Variants in COL21A1 observed in about 807,000 individuals in gnomAD.
COL21A1 encodes collagen type XXI alpha 1 chain.
Under a neutral mutation model 137.9 loss-of-function variants are expected in COL21A1, and 149 were observed. That is an observed-to-expected ratio of 1.08 (90% CI 0.95 to 1.24). COL21A1 has a LOEUF of 1.24. Ranked by LOEUF, COL21A1 falls within the 50% of genes most tolerant of loss-of-function variation. The pLI is 0.00. For synonymous variants in COL21A1, 456 were observed against 391.5 expected (o/e 1.16, Z -1.95); for missense variants, 1,167 against 1,158.4 (o/e 1.01, Z -0.11).
In COL21A1 at chr6:56,316,963, G is replaced by A. The variant is rs924929721; in HGVS notation, c.-39+77008C>T. On this transcript the variant is annotated intron_variant, in intron 1 of 28. Coordinates refer to the COL21A1 transcript ENST00000370819. ...TCAGAAGTGTCATTTAGTATACAAAGACTGCAGCCCCAAGGAGTTTCTCAC... is the reference window on the plus strand; with the variant it reads ...TCAGAAGTGTCATTTAGTATACAAAAACTGCAGCCCCAAGGAGTTTCTCAC... 4.6e-5 allele frequency among the ~76,000 whole-genome samples: 7 copies of A among 152,194 alleles called. No homozygotes were observed. The South Asian group carries it at 1.5e-3, about 32-fold the overall frequency.
intron 1 of COL21A1, among the ~76,000 whole-genome samples, chr6:56,341,425 G>A (rs1272013719): frequency 6.6e-6 from 1 of 152,170 alleles, no homozygotes; most frequent in African/African-American, 2.4e-5. Flanking sequence ...GAACTGCCAA[G>A]CCATGAAAAG....
chr6:56,227,597 A>C (rs1781289559), intron 1 of COL21A1, among the ~76,000 whole-genome samples: 1 of 152,042 alleles, frequency 6.6e-6, no homozygotes, highest in Admixed American at 6.6e-5. Context: ...TAAAAGAAAG[A>C]ATCATCAAGA....
intron 16 of COL21A1, among the ~76,000 whole-genome samples, chr6:56,111,046 A>G (rs1771383380): frequency 6.6e-6 from 1 of 152,104 alleles, no homozygotes; most frequent in African/African-American, 2.4e-5. Flanking sequence ...TGTAAATACT[A>G]TAAAACAGGT....
intron 1 of COL21A1, among the ~76,000 whole-genome samples, chr6:56,293,133 C>T (rs987535949): frequency 6.6e-6 from 1 of 151,970 alleles, no homozygotes; most frequent in African/African-American, 2.4e-5. Flanking sequence ...CAGAAGTTTC[C>T]GTATATTTGT....
intron 1 of COL21A1, among the ~76,000 whole-genome samples, chr6:56,290,542 C>G (rs12195053): frequency 0.11 from 15,021 of 137,182 alleles, 987 homozygotes; most frequent in Middle Eastern, 0.24. Context: ...CTCTGTTGCC[C>G]AGGTTAGAGT....
chr6:56,109,543 A>G (rs995410078), intron 16 of COL21A1, among the ~76,000 whole-genome samples: 1 of 151,928 alleles, frequency 6.6e-6, no homozygotes, highest in Non-Finnish European at 1.5e-5. Context: ...CATGGAAAAA[A>G]ATAAGAGAAA....
At chr6:56,252,935 T>G (rs1355903502) in intron 1 of COL21A1, among the ~76,000 whole-genome samples, 1 of 152,200 alleles carries the variant, frequency 6.6e-6, no homozygotes, top group Non-Finnish European at 1.5e-5. Context: ...ACAATATCCT[T>G]GGATTATAAA....
In COL21A1 at chr6:56,073,246, T is replaced by C. The variant is rs55738538; in HGVS notation, c.1965+986A>G. The stretch of plus-strand genomic sequence containing the variant: ...ACCTTGAGAAACTGTGGAGACCTGC[T>C]TAGCAAGTTCAGTCATTCCAGCAAG... On this transcript the variant is annotated intron_variant, in intron 20 of 29. Coordinates refer to ENST00000244728, the MANE Select transcript of COL21A1 (RefSeq NM_030820.4). 9.0e-3 allele frequency among the ~76,000 whole-genome samples: 1,362 copies of C among 151,588 alleles called. 16 individuals are homozygous for C. The highest frequency in any genetic ancestry group is 0.031 in the African/African-American group (1,299 of 41,432).
intron 1 of COL21A1, among the ~76,000 whole-genome samples, chr6:56,315,747 G>A (rs1764716555): frequency 6.6e-6 from 1 of 150,796 alleles, no homozygotes; most frequent in Admixed American, 6.6e-5. Flanking sequence ...GCAATTGCCT[G>A]AGTTAGGTCA....
chr6:56,106,596 T>C (rs1352929125), intron 16 of COL21A1, among the ~76,000 whole-genome samples: 2 of 152,142 alleles, frequency 1.3e-5, no homozygotes, highest in East Asian at 1.9e-4. Flanking sequence ...TATCCAAACA[T>C]GTACAACCCT....
intron 17 of COL21A1, among the ~76,000 whole-genome samples, chr6:56,081,308 C>T (rs1352499863): frequency 2.0e-5 from 3 of 150,510 alleles, no homozygotes; most frequent in Non-Finnish European, 4.4e-5. Flanking sequence ...CCAAAAATGT[C>T]CATTATATGT....
At chr6:56,092,840 AG>A (rs1768966703) in intron 17 of COL21A1, among the ~76,000 whole-genome samples, 1 of 152,214 alleles carries the variant, frequency 6.6e-6, no homozygotes, top group South Asian at 2.1e-4. Flanking sequence ...ATTCCCTCAC[AG>A]TTCTGGAATG....
chr6:56,200,915 C>A (rs1276973431), intron 1 of COL21A1, among the ~76,000 whole-genome samples: 1 of 152,108 alleles, frequency 6.6e-6, no homozygotes, highest in Non-Finnish European at 1.5e-5. Flanking sequence ...TTTACAGTCC[C>A]ACCAACAGTG....
At chr6:56,313,004 G>A (rs377312755) in intron 1 of COL21A1, among the ~76,000 whole-genome samples, 21 of 152,232 alleles carry the variant, frequency 1.4e-4, no homozygotes, top group African/African-American at 4.3e-4. Context: ...AAGACTGGCC[G>A]CATAGCACAT....
intron 29 of COL21A1, among the ~76,000 whole-genome samples, chr6:56,058,064 G>C (rs1009892466): frequency 1.3e-5 from 2 of 151,666 alleles, no homozygotes; most frequent in Admixed American, 1.3e-4. Context: ...TGAAAACTAG[G>C]CTAAGCATAT....
intron 1 of COL21A1, among the ~76,000 whole-genome samples, chr6:56,290,838 G>C (rs1430909051): frequency 6.6e-6 from 1 of 152,118 alleles, no homozygotes; most frequent in African/African-American, 2.4e-5. Flanking sequence ...CCAATGCTTA[G>C]GCAACACCTC....
intron 1 of COL21A1, among the ~76,000 whole-genome samples, chr6:56,295,236 C>T (rs959786575): frequency 2.6e-5 from 4 of 151,926 alleles, no homozygotes; most frequent in Middle Eastern, 3.4e-3. Context: ...CTTTGTCCTT[C>T]GTCAAAGATC....
chr6:56,113,940 C>T (rs184646909), intron 16 of COL21A1, among the ~76,000 whole-genome samples: 129 of 152,208 alleles, frequency 8.5e-4, no homozygotes, highest in African/African-American at 2.6e-3. Context: ...CTCCTCATGG[C>T]TAGGGGTGGT....
rs957954584 is a variant in COL21A1 at position 56,176,037 on chromosome 6, C to G, written c.640+3541G>C. On this transcript the variant is annotated intron_variant, in intron 3 of 29. Transcript: ENST00000244728. ...TAAGACTGCCCGACGGGGAAAGGAT[C>G]TCTTCAATCAATAGTGCTGGGAAAA... 3.3e-5 allele frequency among the ~76,000 whole-genome samples: 5 copies of G among 152,074 alleles called. 1 individual carries two copies. Among genetic ancestry groups the G allele is most frequent in the African/African-American group, 1.2e-4 (5 of 41,404 alleles).
Sources: gnomAD v4.1 joint callset for allele counts (sites outside exome capture counted in the v4.1 genomes callset) on GRCh38, gnomAD v4.1.1 for gene constraint, MANE v1.5 for transcripts, NCBI Gene and HGNC (gene_info 2026-07-23, HGNC 2026-07-21) for gene names.